The following GPC5 variants were observed in gnomAD, a reference collection of about 807,000 sequenced individuals.
GPC5 encodes the protein glypican 5, also known as glypican-5.
A neutral mutation model predicts 53.9 loss-of-function variants in GPC5; 47 were observed. The observed-to-expected ratio is 0.87, with a 90% CI of 0.69 to 1.11. The LOEUF (loss-of-function observed/expected upper bound fraction) is 1.11. Ranked by LOEUF, GPC5 falls within the 50% of genes most tolerant of loss-of-function variation. The pLI is 0.00. For synonymous variants in GPC5, 286 were observed against 263.3 expected, an observed-to-expected ratio of 1.09 and a Z score of -0.84; for missense variants, 748 against 713.1, an observed-to-expected ratio of 1.05 and a Z score of -0.56.
intron 7 of GPC5, among the ~76,000 whole-genome samples, chr13:92,789,551 T>C (rs1188066571): frequency 6.6e-6 from 1 of 152,156 alleles, no homozygotes; most frequent in Non-Finnish European, 1.5e-5. Context: ...ACTTCACAAA[T>C]ATTAATTTAT....
intron 7 of GPC5, among the ~76,000 whole-genome samples, chr13:92,566,798 C>T (rs1257661496): frequency 6.6e-6 from 1 of 151,976 alleles, no homozygotes; most frequent in Non-Finnish European, 1.5e-5. Context: ...AGAGGCCAAA[C>T]TACAAGAGCT....
At chr13:91,478,881 T>TTATACATATATA (rs1555312579) in intron 2 of GPC5, among the ~76,000 whole-genome samples, 1 of 67,516 alleles carries the variant, frequency 1.5e-5, no homozygotes, top group Non-Finnish European at 2.5e-5. Context: ...TATATACACA[T>TTATACATATATA]TATATATATA....
At chr13:91,760,036 T>C (rs2037377007) in intron 5 of GPC5, among the ~76,000 whole-genome samples, 1 of 152,108 alleles carries the variant, frequency 6.6e-6, no homozygotes, top group Non-Finnish European at 1.5e-5. Flanking sequence ...ATTTGTATTG[T>C]ACATACTTAT....
intron 7 of GPC5, among the ~76,000 whole-genome samples, chr13:92,537,905 A>G (rs540398524): frequency 4.3e-4 from 66 of 152,202 alleles, no homozygotes; most frequent in African/African-American, 1.6e-3. Flanking sequence ...TTTTTTCTTA[A>G]TGTGTCTCCT....
In GPC5 at chr13:91,768,968, G is replaced by C. The variant is rs1256585229; in HGVS notation, c.1280+12548G>C. Among the ~76,000 whole-genome samples the C allele has an allele frequency of 2.0e-5, 3 of 152,280 alleles. No individual in the cohort carries two copies. In the South Asian group the frequency reaches 6.2e-4, roughly 32 times the overall value. Reference sequence around the variant, plus strand: ...GCTTACTATGTGACTGCATATAGTAGTGTATTAGTCATTGCTGTCCAGAAA... The same window carrying C: ...GCTTACTATGTGACTGCATATAGTACTGTATTAGTCATTGCTGTCCAGAAA... On this transcript the variant is annotated intron_variant, in intron 5 of 7. Transcript: ENST00000377067.
chr13:92,247,819 G>T (rs1208035445), intron 7 of GPC5, among the ~76,000 whole-genome samples: 2 of 152,000 alleles, frequency 1.3e-5, no homozygotes, highest in Admixed American at 1.3e-4. Context: ...TCTATAAACA[G>T]CCTGGTTTCT....
intron 2 of GPC5, among the ~76,000 whole-genome samples, chr13:91,601,687 A>C (rs7995362): frequency 6.6e-6 from 1 of 152,072 alleles, no homozygotes; most frequent in Admixed American, 6.5e-5. Context: ...CTAAAGCCCA[A>C]TGATCTGTCA....
At chr13:92,592,419 T>G (rs2139069142) in intron 7 of GPC5, among the ~76,000 whole-genome samples, 1 of 151,454 alleles carries the variant, frequency 6.6e-6, no homozygotes, top group African/African-American at 2.4e-5. Flanking sequence ...CTCTTCCATT[T>G]TTTTCTTCTC....
At chr13:91,772,724 A>G (rs556369847) in intron 5 of GPC5, among the ~76,000 whole-genome samples, 2 of 152,262 alleles carry the variant, frequency 1.3e-5, no homozygotes, top group South Asian at 4.1e-4. Flanking sequence ...ATGCTTACTG[A>G]TTTCCCAAGC....
chr13:91,957,363 C>T (rs2139069255), intron 6 of GPC5, among the ~76,000 whole-genome samples: 1 of 152,126 alleles, frequency 6.6e-6, no homozygotes, highest in African/African-American at 2.4e-5. Flanking sequence ...TTTTAGGTAT[C>T]CCAGGAGGTG....
chr13:92,275,258 T>A (rs2042867399), intron 7 of GPC5, among the ~76,000 whole-genome samples: 2 of 152,258 alleles, frequency 1.3e-5, no homozygotes, highest in South Asian at 4.1e-4. Flanking sequence ...GGCTTCTGTA[T>A]TTTTTCTAAT....
At chr13:92,017,098 G>A (rs2040714515) in intron 6 of GPC5, among the ~76,000 whole-genome samples, 1 of 152,096 alleles carries the variant, frequency 6.6e-6, no homozygotes, top group South Asian at 2.1e-4. Flanking sequence ...TGGTGGCGTG[G>A]TGGAGTTGGT....
At chr13:92,041,409 A>G (rs768715596) in intron 6 of GPC5, among the ~76,000 whole-genome samples, 1 of 152,220 alleles carries the variant, frequency 6.6e-6, no homozygotes, top group Non-Finnish European at 1.5e-5. Context: ...ACTTGAAAGC[A>G]TCTCCCAACC....
intron 2 of GPC5, among the ~76,000 whole-genome samples, chr13:91,576,316 A>G (rs1035363424): frequency 4.7e-5 from 1 of 21,104 alleles, no homozygotes; most frequent in African/African-American, 8.9e-5. Flanking sequence ...GCCAATACAC[A>G]ATGTGTATAT....
At chr13:92,155,756 A>AT (rs536484227) in intron 7 of GPC5, among the ~76,000 whole-genome samples, 18 of 136,048 alleles carry the variant, frequency 1.3e-4, no homozygotes, top group Admixed American at 3.0e-4. Flanking sequence ...ACATTCTTCT[A>AT]TTTTTTTGAG....
At chr13:92,706,217 T>A (rs1049786730) in intron 7 of GPC5, among the ~76,000 whole-genome samples, 4 of 152,154 alleles carry the variant, frequency 2.6e-5, no homozygotes, top group African/African-American at 9.7e-5. Context: ...TTGCCATGTT[T>A]GTAGGGAACC....
At chr13:91,945,416 T>C (rs1486270563) in intron 6 of GPC5, among the ~76,000 whole-genome samples, 1 of 152,216 alleles carries the variant, frequency 6.6e-6, no homozygotes, top group Non-Finnish European at 1.5e-5. Flanking sequence ...TTTATTACGC[T>C]CTTAAAATTT....
Position 92,435,553 on chromosome 13 carries a change from A to T in GPC5, c.1561+290564A>T, listed in dbSNP as rs539527046. Among the ~76,000 whole-genome samples the T allele has an allele frequency of 5.9e-5, 9 of 152,338 alleles. No individual in the cohort carries two copies. The East Asian group carries it at 1.5e-3, about 26-fold the overall frequency. Reference sequence around the variant, plus strand: ...AAAAGGTACTGACATCCTGTGGGAAATATGATGTGAGCAAAGGCTTTACAA... The same window carrying T: ...AAAAGGTACTGACATCCTGTGGGAATTATGATGTGAGCAAAGGCTTTACAA... On this transcript the variant is annotated intron_variant, in intron 7 of 7. Transcript: ENST00000377067.
Position 92,546,461 on chromosome 13 carries a change from G to A in GPC5, c.1562-319821G>A, listed in dbSNP as rs556287114. ...ATTACCTAGGAATCCAACTTACAAG[G>A]GATGGGAAGGACCTCTTCAAGGAGA... On this transcript the variant is annotated intron_variant, in intron 7 of 7. Coordinates refer to ENST00000377067, the MANE Select transcript of GPC5 (RefSeq NM_004466.6). Among the ~76,000 whole-genome samples, 7 of 152,102 alleles carry A rather than the reference G, an allele frequency of 4.6e-5. No individual in the cohort carries two copies. In the East Asian group the frequency reaches 1.4e-3, roughly 29 times the overall value.
Sources: gnomAD v4.1 joint callset for allele counts (sites outside exome capture counted in the v4.1 genomes callset) on GRCh38, gnomAD v4.1.1 for gene constraint, MANE v1.5 for transcripts, NCBI Gene and HGNC (gene_info 2026-07-23, HGNC 2026-07-21) for gene names.